Variants in ZBTB20 observed in about 807,000 individuals in gnomAD.
ZBTB20 encodes zinc finger and BTB domain containing 20.
ZBTB20 carries 9 observed loss-of-function variants against 56.9 expected under a neutral mutation model. That is an observed-to-expected ratio of 0.16 (90% confidence interval 0.10 to 0.28). The LOEUF (loss-of-function observed/expected upper bound fraction) is 0.28. ZBTB20 is among the 10% of genes least tolerant of loss of function. ZBTB20 has a pLI of 1.00. For missense variants in ZBTB20, 655 were observed against 1,003.0 expected (o/e 0.65, Z 4.69); for synonymous variants, 417 against 420.7 (o/e 0.99, Z 0.11).
chr3:114,438,809 G>A (rs950812495), intron 7 of ZBTB20, among the ~76,000 whole-genome samples: 2 of 152,128 alleles, frequency 1.3e-5, no homozygotes, highest in Non-Finnish European at 2.9e-5. Flanking sequence ...CATCAAGCCA[G>A]GCATAGGGCC....
At chr3:115,108,384 G>T (rs892649420) in intron 1 of ZBTB20, among the ~76,000 whole-genome samples, 7 of 152,166 alleles carry the variant, frequency 4.6e-5, no homozygotes, top group African/African-American at 1.4e-4. Context: ...AATATTTCTT[G>T]TGGGGTTAAA....
intron 9 of ZBTB20, 75 bp downstream of exon 9, chr3:114,380,702 T>C: frequency 6.9e-7 from 1 of 1,451,258 alleles, no homozygotes; most frequent in South Asian, 1.5e-5. Context: ...ATGGCTGACA[T>C]TATCCAAGAA....
At chr3:114,811,892 C>T (rs2072541352) in intron 4 of ZBTB20, among the ~76,000 whole-genome samples, 1 of 152,186 alleles carries the variant, frequency 6.6e-6, no homozygotes, top group South Asian at 2.1e-4. Context: ...GTCTCACTGA[C>T]TTCAAGAATG....
At chr3:114,920,329 T>A (rs2075908374) in intron 3 of ZBTB20, among the ~76,000 whole-genome samples, 1 of 152,196 alleles carries the variant, frequency 6.6e-6, no homozygotes, top group Non-Finnish European at 1.5e-5. Flanking sequence ...ATATACATTT[T>A]TCTCAAGTGC....
intron 6 of ZBTB20, among the ~76,000 whole-genome samples, chr3:114,603,119 C>T (rs2056884649): frequency 6.6e-6 from 1 of 152,024 alleles, no homozygotes; most frequent in South Asian, 2.1e-4. Context: ...GCTCTTTCTG[C>T]TAGCACATGG....
chr3:114,682,030 A>G (rs763619582), intron 6 of ZBTB20, among the ~76,000 whole-genome samples: 5 of 152,152 alleles, frequency 3.3e-5, no homozygotes, highest in South Asian at 2.1e-4. Context: ...TAATACCTTT[A>G]TTTTCAAAGT....
Position 114,493,076 on chromosome 3 carries a change from C to T in ZBTB20, c.-255+7276G>A, listed in dbSNP as rs190174583. Among the ~76,000 whole-genome samples, 6 of 152,204 alleles carry T rather than the reference C, an allele frequency of 3.9e-5. No homozygotes were observed. The South Asian group carries it at 1.0e-3, about 27-fold the overall frequency. On this transcript the variant is annotated intron_variant, in intron 7 of 11. Coordinates refer to ENST00000675478, the MANE Select transcript of ZBTB20 (RefSeq NM_001348800.3). The stretch of plus-strand genomic sequence containing the variant: ...TGTCATCCACAAGTATGTTCTCAAT[C>T]CTTACATATTTTTTTCATTTCAAGA...
At chr3:114,917,954 CT>C (rs1376813844) in intron 3 of ZBTB20, among the ~76,000 whole-genome samples, 1 of 152,154 alleles carries the variant, frequency 6.6e-6, no homozygotes, top group Non-Finnish European at 1.5e-5. Context: ...CATCTGTGTC[CT>C]TTTTTTCATG....
chr3:114,543,602 T>C (rs182033201), intron 6 of ZBTB20, among the ~76,000 whole-genome samples: 322 of 152,308 alleles, frequency 2.1e-3, no homozygotes, highest in Middle Eastern at 0.014. Flanking sequence ...TTGGCTACTA[T>C]AAACTCTATT....
At chr3:114,362,113 G>A (rs2081951940) in intron 10 of ZBTB20, among the ~76,000 whole-genome samples, 1 of 152,178 alleles carries the variant, frequency 6.6e-6, no homozygotes, top group Non-Finnish European at 1.5e-5. Context: ...GGGGCCTCAG[G>A]TTTAATTTTC....
chr3:114,408,938 C>A (rs1004762270), intron 7 of ZBTB20, among the ~76,000 whole-genome samples: 2 of 151,996 alleles, frequency 1.3e-5, no homozygotes, highest in Non-Finnish European at 2.9e-5. Context: ...GTCCGCCGTC[C>A]GCTCCTGGTG....
chr3:114,908,983 GA>G (rs925806056), intron 3 of ZBTB20, among the ~76,000 whole-genome samples: 33 of 151,440 alleles, frequency 2.2e-4, no homozygotes, highest in African/African-American at 7.5e-4. Context: ...ATTTAAGAAT[GA>G]AAAAAAATAA....
chr3:114,612,953 T>C (rs550876132), intron 6 of ZBTB20, among the ~76,000 whole-genome samples: 14 of 152,330 alleles, frequency 9.2e-5, no homozygotes, highest in African/African-American at 1.7e-4. Flanking sequence ...ATAATAAATA[T>C]AGAAAAGGGT....
At chr3:114,354,186 C>T (rs2080977317) in intron 10 of ZBTB20, among the ~76,000 whole-genome samples, 1 of 152,186 alleles carries the variant, frequency 6.6e-6, no homozygotes, top group African/African-American at 2.4e-5. Context: ...AGAAGTAAGA[C>T]AACTAACTGG....
At chr3:114,871,692 C>T (rs993996182) in intron 4 of ZBTB20, among the ~76,000 whole-genome samples, 8 of 152,068 alleles carry the variant, frequency 5.3e-5, no homozygotes, top group African/African-American at 1.9e-4. Context: ...GGGCTGCAAC[C>T]CAGATCCAGA....
intron 6 of ZBTB20, among the ~76,000 whole-genome samples, chr3:114,565,222 T>C (rs540943047): frequency 6.6e-6 from 1 of 152,278 alleles, no homozygotes; most frequent in South Asian, 2.1e-4. Context: ...AAACACGCAG[T>C]CTCTAATTAT....
intron 4 of ZBTB20, among the ~76,000 whole-genome samples, chr3:114,831,875 T>C (rs1334588350): frequency 2.6e-5 from 4 of 152,068 alleles, no homozygotes; most frequent in South Asian, 2.1e-4. Flanking sequence ...TCTAAAATGA[T>C]ATGTTTTTAT....
At chr3:114,469,104 T>C (rs1281776713) in intron 7 of ZBTB20, among the ~76,000 whole-genome samples, 1 of 151,910 alleles carries the variant, frequency 6.6e-6, no homozygotes, top group Non-Finnish European at 1.5e-5. Flanking sequence ...AAATATTCTG[T>C]GGACCAAACA....
At chr3:114,635,284 T>C (rs994644932) in intron 6 of ZBTB20, among the ~76,000 whole-genome samples, 1 of 152,154 alleles carries the variant, frequency 6.6e-6, no homozygotes, top group Non-Finnish European at 1.5e-5. Flanking sequence ...CTCCCCAAGG[T>C]GTATGTCTCT....
Sources: gnomAD v4.1 joint callset for allele counts (sites outside exome capture counted in the v4.1 genomes callset) on GRCh38, gnomAD v4.1.1 for gene constraint, MANE v1.5 for transcripts, NCBI Gene and HGNC (gene_info 2026-07-23, HGNC 2026-07-21) for gene names.